NT5DC2: variants seen among roughly 807,000 people sequenced by gnomAD.
The protein encoded by NT5DC2 is 5'-nucleotidase domain-containing protein 2.
A neutral mutation model predicts 70.0 loss-of-function variants in NT5DC2; 41 were observed. The observed-to-expected ratio is 0.59, with a 90% confidence interval of 0.46 to 0.76. NT5DC2 has a LOEUF of 0.76. Ranked by LOEUF, NT5DC2 falls within the 30% of genes least tolerant of loss-of-function variation. The pLI, the probability that NT5DC2 is intolerant of heterozygous loss-of-function variation, is 0.00. For missense variants in NT5DC2, 705 were observed against 783.2 expected (o/e 0.90, Z 1.19); for synonymous variants, 299 against 310.4 (o/e 0.96, Z 0.39).
rs978069427 is a variant in NT5DC2, at chr3:52,529,652, C to G, written c.233-318G>C. On this transcript the variant is annotated intron_variant, in intron 1 of 13. Transcript: ENST00000422318. The surrounding 1 kb of genome is among the most constrained non-coding windows in gnomAD (Gnocchi z 4.1). Reference sequence around the variant, plus strand: ...CCAGGCCCTCACCACTAAGCCCCATCAGACACAAGGCCATGCTAGAACCCT... The same window carrying G: ...CCAGGCCCTCACCACTAAGCCCCATGAGACACAAGGCCATGCTAGAACCCT... Among the ~76,000 whole-genome samples, 1 of 152,168 alleles carries G rather than the reference C, an allele frequency of 6.6e-6. No individual in the cohort carries two copies. Among genetic ancestry groups the G allele is most frequent in the Admixed American group, 6.5e-5 (1 of 15,282 alleles).
rs2079295780 is a variant in NT5DC2 at position 52,527,535 on chromosome 3, T to C, written c.1037+82A>G. 3 of 1,522,516 alleles carry C rather than the reference T, an allele frequency of 2.0e-6. No homozygotes were observed. In the Admixed American group the frequency reaches 5.4e-5, roughly 27 times the overall value. The allele number at this position is 1,522,516 out of a possible 1,614,324, so 94.3% of individuals were successfully genotyped here. The stretch of plus-strand genomic sequence containing the variant: ...CATTGGGCAGTGGGCAAGGGCCAGG[T>C]TGGCCTCCTGCTTCAGTCCCCTCAT... On this transcript the variant is annotated intron_variant, in intron 9 of 13. Transcript: ENST00000422318.
intron 9 of NT5DC2, 98 bp from the exon 10 acceptor site, chr3:52,527,473 G>A: frequency 6.8e-7 from 1 of 1,473,228 alleles, no homozygotes; most frequent in Non-Finnish European, 9.4e-7. Context: ...TGCTCAAGTG[G>A]ACCCATGCCA....
upstream of NT5DC2, chr3:52,534,714 G>A (rs1329088946): frequency 2.6e-6 from 4 of 1,554,066 alleles, no homozygotes; most frequent in South Asian, 1.2e-5. Flanking sequence ...TCAGGGTCCG[G>A]AGGAGGCCGA....
At chr3:52,534,752 G>A (rs7639196), upstream of NT5DC2, 16 of 1,486,080 alleles carry the variant, frequency 1.1e-5, no homozygotes, top group African/African-American at 1.4e-5. Flanking sequence ...CTGTCGGAGG[G>A]GAGCCAGCTG....
At chr3:52,528,350 C>T (rs768295656) in intron 5 of NT5DC2, 39 bp from the exon 6 acceptor site, 9 of 1,613,034 alleles carry the variant, frequency 5.6e-6, no homozygotes, top group East Asian at 4.5e-5. Flanking sequence ...CCTTTGGGAC[C>T]CCAACCCCTT....
At position 52,525,453 on chromosome 3, in the gene NT5DC2, T is replaced by C. The variant is rs2079245449; in HGVS notation, c.1120-158A>G. The C allele has an allele frequency of 1.9e-5, 12 of 623,564 alleles. 1 individual carries two copies. In the South Asian group the frequency reaches 2.3e-4, roughly 12 times the overall value. The allele number at this position is 623,564 out of a possible 1,614,324, so 38.6% of individuals were successfully genotyped here. A position where few individuals can be genotyped will look rare whatever the true frequency, so the allele number is the denominator to read the frequency against. On this transcript the variant is annotated intron_variant, in intron 10 of 13. Transcript: ENST00000422318. ...CCCTGGGCCCTGGTTCTTGTCACTT[T>C]CCCCTCCTACTTGGGAAGGGGATTC...
Position 52,530,620 on chromosome 3 carries a change from C to G in NT5DC2, c.233-1286G>C, listed in dbSNP as rs139108955. Among the ~76,000 whole-genome samples, 787 of 152,102 alleles carry G rather than the reference C, an allele frequency of 5.2e-3. 8 individuals are homozygous for G. The highest frequency in any genetic ancestry group is 0.018 in the African/African-American group (749 of 41,470). ...GTCCCTGCTACTCAGGAGGCTGAGG[C>G]GAGAGGATTGCTTGAAACCCAGTAG... is the stretch of plus-strand genomic sequence containing the variant. On this transcript the variant is annotated intron_variant, in intron 1 of 13. Coordinates refer to ENST00000422318, the MANE Select transcript of NT5DC2 (RefSeq NM_001134231.2).
At chr3:52,528,611 G>GCCCCCCCC in intron 4 of NT5DC2, 26 bp downstream of exon 4, 1 of 1,524,726 alleles carries the variant, frequency 6.6e-7, no homozygotes, top group Non-Finnish European at 9.0e-7. Context: ...TGGGGCGGGG[G>GCCCCCCCC]TGGGGTTGGG....
rs1295477201 is a variant in NT5DC2 at position 52,533,776 on chromosome 3, C to CCCGCCGG, written c.-40_-39insCCGGCGG. On this transcript the variant is annotated 5_prime_UTR_variant, in exon 1 of 14. Coordinates refer to ENST00000422318, the MANE Select transcript of NT5DC2 (RefSeq NM_001134231.2). ...CGCCCGCCGCCCGCGCTGCCCTCGGCCAGCCCGCCGCCCGCCGCCCGCCGC... is the reference window on the plus strand; with the variant it reads ...CGCCCGCCGCCCGCGCTGCCCTCGGCCCGCCGGCAGCCCGCCGCCCGCCGCCCGCCGC... The CCCGCCGG allele has an allele frequency of 3.4e-5, 33 of 971,698 alleles. No homozygotes were observed. In the South Asian group the frequency reaches 1.2e-3, roughly 35 times the overall value. 60.2% of individuals were successfully genotyped at this position (971,698 alleles called of 1,614,324 possible). A position where few individuals can be genotyped will look rare whatever the true frequency, so the allele number is the denominator to read the frequency against.
chr3:52,532,395 C>T, intron 1 of NT5DC2: 1 of 985,470 alleles, frequency 1.0e-6, no homozygotes, highest in Non-Finnish European at 1.2e-6. Context: ...ACAAACTCAA[C>T]CTGGGACCTC....
upstream of NT5DC2, chr3:52,534,892 C>G (rs115243299): frequency 4.3e-3 from 2,271 of 528,094 alleles, 57 homozygotes; most frequent in African/African-American, 0.04. Context: ...GGATTGAGGC[C>G]GTAGGATGGG....
In NT5DC2 at chr3:52,533,751, C is replaced by CGCCCGCCGCCCGCGCT; in HGVS notation, c.-30_-15dup. 1.0e-6 allele frequency: 1 copy of CGCCCGCCGCCCGCGCT among 964,026 alleles called. No homozygotes were observed. Among genetic ancestry groups the CGCCCGCCGCCCGCGCT allele is most frequent in the Non-Finnish European group, 1.2e-6 (1 of 816,224 alleles). The allele number at this position is 964,026 out of a possible 1,614,324, so 59.7% of individuals were successfully genotyped here. On this transcript the variant is annotated 5_prime_UTR_variant, in exon 1 of 14. Coordinates refer to ENST00000422318, the MANE Select transcript of NT5DC2 (RefSeq NM_001134231.2). The stretch of plus-strand genomic sequence containing the variant: ...CGCACCCGCCATGCCCACCGCGCGC[C>CGCCCGCCGCCCGCGCT]GCCCGCCGCCCGCGCTGCCCTCGGC...
chr3:52,532,173 T>C, intron 1 of NT5DC2: 8 of 985,198 alleles, frequency 8.1e-6, no homozygotes, highest in Non-Finnish European at 9.6e-6. Flanking sequence ...CATGGGATCT[T>C]GGTGGGAATG....
At position 52,524,684 on chromosome 3, in the gene NT5DC2, C is replaced by A; in HGVS notation, c.1460G>T (p.Arg487Leu). The part of the protein sequence containing the change: ...LFNAQFGSIF[R>L]TFHNPTYFSR... ...GAAGTAGGTGGGGTTGTGGAAGGTG[C>A]GGAAGATGCTGCCGAACTGCGCATT... Residue 487 changes from arginine (R) to leucine (L), a missense_variant, in exon 14 of 14, where the codon CGC becomes CTC. By Grantham distance (102) the Arg-to-Leu change is moderately radical. Transcript: ENST00000422318. The A allele has an allele frequency of 6.2e-7, 1 of 1,612,786 alleles. No individual in the cohort carries two copies. The highest frequency in any genetic ancestry group is 8.5e-7 in the Non-Finnish European group (1 of 1,180,012).
chr3:52,527,997 T>C lies in NT5DC2; in HGVS notation c.832+16A>G. On this transcript the variant is annotated intron_variant, in intron 7 of 13. Coordinates refer to ENST00000422318, the MANE Select transcript of NT5DC2 (RefSeq NM_001134231.2). ...CTGCTCAGGCCGGCCACGGCAGGGC[T>C]TCTGTCCACACTTACCCATGTCCTG... 1.2e-6 allele frequency: 2 copies of C among 1,612,882 alleles called. No individual in the cohort carries two copies. The highest frequency in any genetic ancestry group is 1.7e-6 in the Non-Finnish European group (2 of 1,179,768).
chr3:52,527,790 T>C (rs201709658), intron 8 of NT5DC2, 39 bp downstream of exon 8: 3 of 1,611,204 alleles, frequency 1.9e-6, no homozygotes, highest in Admixed American at 3.3e-5. Flanking sequence ...CCCAGAGCCC[T>C]GGCCCTGCTG....
At chr3:52,525,337 G>T in intron 10 of NT5DC2, 42 bp from the exon 11 acceptor site, 1 of 1,497,934 alleles carries the variant, frequency 6.7e-7, no homozygotes, top group Non-Finnish European at 9.2e-7. Context: ...AGTGTGCCTT[G>T]TCCTCCACCA....
Position 52,532,501 on chromosome 3 carries a change from C to T in NT5DC2, c.232+1005G>A, listed in dbSNP as rs145405697. 49 of 985,408 alleles carry T rather than the reference C, an allele frequency of 5.0e-5. No individual in the cohort carries two copies. In the Admixed American group the frequency reaches 1.2e-3, roughly 25 times the overall value. 61.0% of individuals were successfully genotyped at this position (985,408 alleles called of 1,614,324 possible). On this transcript the variant is annotated intron_variant, in intron 1 of 13. Transcript: ENST00000422318. Reference sequence around the variant, plus strand: ...GTCAAGAAGTGATTCTCCGCCACCCCACAAAGCCGGAGTGAAAACCCCTGT... The same window carrying T: ...GTCAAGAAGTGATTCTCCGCCACCCTACAAAGCCGGAGTGAAAACCCCTGT...
chr3:52,527,198 C>T, intron 10 of NT5DC2, 96 bp downstream of exon 10: 3 of 1,161,524 alleles, frequency 2.6e-6, no homozygotes, highest in Non-Finnish European at 3.8e-6. Flanking sequence ...GGCCAAGGAG[C>T]TGTGCTGCTT....
Sources: allele counts gnomAD v4.1 joint callset (sites outside exome capture counted in the v4.1 genomes callset), GRCh38; gene constraint gnomAD v4.1.1; non-coding constraint Gnocchi (gnomAD v3.1); transcripts MANE v1.5; gene names NCBI Gene and HGNC (gene_info 2026-07-23, HGNC 2026-07-21).